The following PDK3 variants were observed in gnomAD, a reference collection of about 807,000 sequenced individuals.
The protein encoded by PDK3 is pyruvate dehydrogenase kinase 3, also known as pyruvate dehydrogenase kinase, isozyme 3.
PDK3 carries 12 observed loss-of-function variants against 32.0 expected under a neutral mutation model. That is an observed-to-expected ratio of 0.37 (90% CI 0.24 to 0.61). PDK3 has a LOEUF of 0.61. Ranked by LOEUF, PDK3 falls within the 20% of genes least tolerant of loss-of-function variation. The pLI, the probability that PDK3 is intolerant of heterozygous loss-of-function variation, is 0.65. For missense variants in PDK3, 188 were observed against 316.9 expected (o/e 0.59, Z 3.09); for synonymous variants, 122 against 116.3 (o/e 1.05, Z -0.31).
chrX:24,506,477 G>A (rs1408281494), intron 5 of PDK3, among the ~76,000 whole-genome samples: 1 of 111,988 alleles, frequency 8.9e-6, no homozygotes, highest in Non-Finnish European at 1.9e-5. Flanking sequence ...AATTTAGAAA[G>A]CAAAAGTGCA....
exon 12 of PDK3, chrX:24,547,723 G>T (rs1444818394): frequency 1.8e-5 from 2 of 112,392 alleles, no homozygotes; most frequent in African/African-American, 6.4e-5. Flanking sequence ...CAAAAGCAAA[G>T]AATTACAATT....
exon 12 of PDK3, chrX:24,550,134 A>C (rs1923071423): frequency 1.8e-5 from 2 of 112,019 alleles, no homozygotes; most frequent in African/African-American, 6.5e-5. Context: ...TACAGTGATA[A>C]ATGTACACAC....
chrX:24,534,048 T>C lies in PDK3; in HGVS notation c.1197T>C (p.Ala399=), dbSNP rs1602129821. ...WSNPSSEPRD[A]SKYKAKQ Reference sequence around the variant, plus strand: ...ATCCCAGCAGTGAACCCAGGGATGCTTCAAAATACAAAGCAAAACAGTAAT... The same window carrying C: ...ATCCCAGCAGTGAACCCAGGGATGCCTCAAAATACAAAGCAAAACAGTAAT... The change falls in exon 11 of 11, where the codon GCT becomes GCC. Residue 399 remains alanine, a synonymous_variant. Coordinates refer to ENST00000379162, the MANE Select transcript of PDK3 (RefSeq NM_005391.5). 8.3e-7 allele frequency: 1 copy of C among 1,206,097 alleles called. No individual in the cohort carries two copies. Among genetic ancestry groups the C allele is most frequent in the Non-Finnish European group, 1.1e-6 (1 of 892,876 alleles).
At chrX:24,478,541 C>T (rs901053781) in intron 1 of PDK3, among the ~76,000 whole-genome samples, 1 of 111,852 alleles carries the variant, frequency 8.9e-6, no homozygotes, top group African/African-American at 3.3e-5. Flanking sequence ...GGCTAGTTTA[C>T]GCTATACTTG....
chrX:24,514,336 T>C (rs1272422614), intron 5 of PDK3, among the ~76,000 whole-genome samples: 2 of 112,064 alleles, frequency 1.8e-5, no homozygotes, highest in Admixed American at 1.9e-4. Context: ...GCAGTTTTGT[T>C]AATTACTTTA....
At chrX:24,529,749 G>A (rs1282591277) in intron 9 of PDK3, among the ~76,000 whole-genome samples, 7 of 98,103 alleles carry the variant, frequency 7.1e-5, no homozygotes, top group Non-Finnish European at 8.3e-5. Flanking sequence ...ACAGAGCGAG[G>A]CTCTGCCTCA....
At chrX:24,530,044 A>G (rs748329541) in intron 9 of PDK3, among the ~76,000 whole-genome samples, 52 of 111,651 alleles carry the variant, frequency 4.7e-4, no homozygotes, top group African/African-American at 1.6e-3. Context: ...TCACATCTGC[A>G]TTGGCCTCGG....
rs183862842 is a variant in PDK3, at chrX:24,501,567, A to G, written c.321-1760A>G. Among the ~76,000 whole-genome samples, 168 of 112,391 alleles carry G rather than the reference A, an allele frequency of 1.5e-3. No individual in the cohort carries two copies. The East Asian group carries it at 0.016, about 10-fold the overall frequency. On this transcript the variant is annotated intron_variant, in intron 3 of 10. Transcript: ENST00000379162. Reference sequence around the variant, plus strand: ...TGTCTCTACTAAAAATATGAAAATTAGCCAGGCGTGGTGGTGGGCACCTGT... The same window carrying G: ...TGTCTCTACTAAAAATATGAAAATTGGCCAGGCGTGGTGGTGGGCACCTGT...
At chrX:24,488,432 T>C (rs1921460380) in intron 1 of PDK3, among the ~76,000 whole-genome samples, 1 of 112,393 alleles carries the variant, frequency 8.9e-6, no homozygotes, top group African/African-American at 3.2e-5. Context: ...CTCACGCCTG[T>C]AATCCTAGAA....
In PDK3 at chrX:24,531,985, G is replaced by A. The variant is rs111706185; in HGVS notation, c.1077+215G>A. Among the ~76,000 whole-genome samples the A allele has an allele frequency of 0.038, 4,248 of 111,829 alleles. 186 individuals carry two copies. The highest frequency in any genetic ancestry group is 0.13 in the African/African-American group (3,902 of 30,655). On this transcript the variant is annotated intron_variant, in intron 10 of 10. Coordinates refer to ENST00000379162, the MANE Select transcript of PDK3 (RefSeq NM_005391.5). ...TATAGAAATTAAAATACTGATTTTG[G>A]CCGGGCGTGGTGGCACATGCCTGTA...
intron 1 of PDK3, among the ~76,000 whole-genome samples, chrX:24,477,689 T>C (rs1251236330): frequency 1.8e-5 from 2 of 111,592 alleles, no homozygotes; most frequent in African/African-American, 6.5e-5. Context: ...TGTAAGTAGT[T>C]ATTAAATCTC....
intron 9 of PDK3, 94 bp from the exon 10 acceptor site, chrX:24,531,563 C>A: frequency 2.0e-6 from 1 of 502,350 alleles, no homozygotes; most frequent in Non-Finnish European, 3.5e-6. Context: ...AAATCTGAAT[C>A]AAGAATTTAT....
At chrX:24,512,745 A>C (rs1362516628) in intron 5 of PDK3, among the ~76,000 whole-genome samples, 1 of 111,043 alleles carries the variant, frequency 9.0e-6, no homozygotes, top group Non-Finnish European at 1.9e-5. Context: ...CCTTGGTGAC[A>C]GAGTGAGACT....
At chrX:24,511,459 A>G (rs1256460230) in intron 5 of PDK3, among the ~76,000 whole-genome samples, 1 of 111,948 alleles carries the variant, frequency 8.9e-6, no homozygotes, top group Non-Finnish European at 1.9e-5. Flanking sequence ...AGAATCCTAC[A>G]TGGTTTAAGC....
chrX:24,468,903 G>A (rs1940086616), intron 1 of PDK3, among the ~76,000 whole-genome samples: 1 of 111,592 alleles, frequency 9.0e-6, no homozygotes, highest in Non-Finnish European at 1.9e-5. Context: ...AAATTCAGAG[G>A]GTTCAAAAGG....
chrX:24,468,964 G>A (rs904284253), intron 1 of PDK3, among the ~76,000 whole-genome samples: 4 of 111,461 alleles, frequency 3.6e-5, no homozygotes, highest in Non-Finnish European at 5.7e-5. Context: ...CCCTTTTTTC[G>A]CATAAATGGC....
At chrX:24,500,737 A>G (rs1411852017) in intron 3 of PDK3, among the ~76,000 whole-genome samples, 1 of 111,907 alleles carries the variant, frequency 8.9e-6, no homozygotes, top group Non-Finnish European at 1.9e-5. Context: ...AAGAGGTTGT[A>G]TGGGATCACC....
intron 3 of PDK3, among the ~76,000 whole-genome samples, chrX:24,500,244 C>T (rs952449538): frequency 1.8e-5 from 2 of 111,349 alleles, no homozygotes; most frequent in African/African-American, 3.3e-5. Flanking sequence ...TTTTAAAATA[C>T]AGTCTATCAA....
chrX:24,521,533 G>A (rs988380294), intron 6 of PDK3, among the ~76,000 whole-genome samples: 2 of 110,813 alleles, frequency 1.8e-5, no homozygotes, highest in Non-Finnish European at 3.8e-5. Flanking sequence ...TTCCTGATGA[G>A]AACCATCTTA....
Sources: gnomAD v4.1 joint callset for allele counts (sites outside exome capture counted in the v4.1 genomes callset) on GRCh38, gnomAD v4.1.1 for gene constraint, MANE v1.5 for transcripts, NCBI Gene and HGNC (gene_info 2026-07-23, HGNC 2026-07-21) for gene names.